MATN1: variants seen among roughly 807,000 people sequenced by gnomAD.
The protein encoded by MATN1 is matrilin-1.
In MATN1, 34 loss-of-function variants were observed where a neutral mutation model predicts 41.3. The observed-to-expected ratio is 0.82, with a 90% CI of 0.63 to 1.10. MATN1 has a LOEUF of 1.10. MATN1 is among the 50% of genes least tolerant of loss of function. The pLI is 0.00. For missense variants in MATN1, 602 were observed against 662.4 expected, an observed-to-expected ratio of 0.91 and a Z score of 1.00; for synonymous variants, 264 against 278.7, an observed-to-expected ratio of 0.95 and a Z score of 0.53.
At chr1:30,720,603 G>A (rs964037711) in intron 2 of MATN1, 1 of 152,888 alleles carries the variant, frequency 6.5e-6, no homozygotes, top group Non-Finnish European at 1.5e-5. Context: ...ATGGAGGAGG[G>A]ATAAGAAAGA....
rs544319948 is a variant in MATN1 at position 30,717,314 on chromosome 1, C to T, written c.665-399G>A. Among the ~76,000 whole-genome samples the T allele has an allele frequency of 3.9e-5, 6 of 152,300 alleles. No homozygotes were observed. In the South Asian group the frequency reaches 1.0e-3, roughly 26 times the overall value. On this transcript the variant is annotated intron_variant, in intron 3 of 7. Transcript: ENST00000373765. The stretch of plus-strand genomic sequence containing the variant: ...TTATCTCACTGGATCCTCTCAATAA[C>T]GTGCATGCTCTTCTTAGACCCATTT...
rs778488955 is a variant in MATN1, at chr1:30,721,733, C to G, written c.113G>C (p.Arg38Pro). ...PQSRGHLCRT[R>P]PTDLVFVVDS... is the part of the protein sequence containing the mutation. ...GACAACAAACACCAGGTCTGTGGGC[C>G]GCGTCCGGCAGAGATGGCCTGGGAG... Residue 38 changes from arginine to proline, a missense_variant, in exon 2 of 8, where the codon CGG (arginine) becomes CCG (proline). Transcript: ENST00000373765. 6.2e-7 allele frequency: 1 copy of G among 1,610,082 alleles called. No homozygotes were observed. Among genetic ancestry groups the G allele is most frequent in the Non-Finnish European group, 8.5e-7 (1 of 1,179,022 alleles).
intron 6 of MATN1, 43 bp from the exon 7 acceptor site, chr1:30,714,370 G>C (rs1489003558): frequency 6.6e-7 from 1 of 1,518,106 alleles, no homozygotes; most frequent in Non-Finnish European, 9.0e-7. Flanking sequence ...GAACTGTTGA[G>C]TGGCTGCCCA....
intron 2 of MATN1, 101 bp from the exon 3 acceptor site, chr1:30,719,058 G>T: frequency 1.1e-6 from 1 of 928,380 alleles, no homozygotes; most frequent in Middle Eastern, 2.3e-4. Context: ...CTGCCGGGTC[G>T]CACAGCCAGG....
intron 1 of MATN1, among the ~76,000 whole-genome samples, chr1:30,722,710 A>G (rs1223123706): frequency 6.6e-6 from 1 of 152,192 alleles, no homozygotes; most frequent in Non-Finnish European, 1.5e-5. Context: ...CCAATCCCAA[A>G]GAGGAAAGGG....
At chr1:30,718,122 G>A (rs1174749604) in intron 3 of MATN1, among the ~76,000 whole-genome samples, 1 of 152,000 alleles carries the variant, frequency 6.6e-6, no homozygotes, top group Non-Finnish European at 1.5e-5. Context: ...CCTAGCCCTG[G>A]CCCCGCCCTG....
rs779476282 is a variant in MATN1 at position 30,716,255 on chromosome 1, C to A, written c.861G>T (p.Arg287Ser). 2.5e-6 allele frequency: 4 copies of A among 1,614,140 alleles called. 1 individual carries two copies. The highest frequency in any genetic ancestry group is 2.2e-5 in the South Asian group (2 of 91,084). Residue 287 changes from arginine to serine, a missense_variant, in exon 5 of 8, where the codon AGG (arginine) becomes AGT (serine). Physicochemically the swap from Arg to Ser is moderately radical, Grantham distance 110. Transcript: ENST00000373765. ...TCTTCACCAGCTCAAAGTTCTCTGG[C>A]CTCACACTCTTGGATCCGTCAATGA... ...VFLIDGSKSV[R>S]PENFELVKKF...
intron 1 of MATN1, 23 bp downstream of exon 1, chr1:30,723,435 C>G: frequency 6.7e-7 from 1 of 1,482,772 alleles, no homozygotes. Flanking sequence ...TCAGTAGCCC[C>G]CATCTCACGC....
chr1:30,716,845 G>A lies in MATN1; in HGVS notation c.735C>T (p.Tyr245=). The A allele has an allele frequency of 6.2e-7, 1 of 1,614,024 alleles. No homozygotes were observed. Among genetic ancestry groups the A allele is most frequent in the Admixed American group, 1.7e-5 (1 of 60,020 alleles). Residue 245 remains tyrosine (Y), a synonymous_variant, in exon 4 of 8, where the codon TAC becomes TAT. Coordinates refer to ENST00000373765, the MANE Select transcript of MATN1 (RefSeq NM_002379.3). ...EQVCISSPGS[Y]TCACHEGFTL... Reference sequence around the variant, plus strand: ...TGAAGCCCTCGTGGCAGGCGCAGGTGTAGGAACCGGGGGAGCTGATGCACA... The same window carrying A: ...TGAAGCCCTCGTGGCAGGCGCAGGTATAGGAACCGGGGGAGCTGATGCACA...
intron 7 of MATN1, 157 bp downstream of exon 7, chr1:30,714,090 C>T: frequency 1.6e-6 from 1 of 644,416 alleles, no homozygotes; most frequent in Non-Finnish European, 2.8e-6. Context: ...GGTGTGCACC[C>T]AAGCTGGCTT....
intron 3 of MATN1, among the ~76,000 whole-genome samples, chr1:30,717,636 T>G (rs1265807684): frequency 6.7e-6 from 1 of 148,980 alleles, no homozygotes; most frequent in African/African-American, 2.5e-5. Flanking sequence ...GTTTTTTGTG[T>G]GTGCGGTTTT....
rs903970409 is a variant in MATN1 at position 30,712,392 on chromosome 1, T to C, written c.*1190A>G. 1.3e-5 allele frequency: 2 copies of C among 152,260 alleles called. No individual in the cohort carries two copies. Among genetic ancestry groups the C allele is most frequent in the African/African-American group, 4.8e-5 (2 of 41,406 alleles). 9.4% of individuals were successfully genotyped at this position (152,260 alleles called of 1,614,324 possible). On this transcript the variant is annotated 3_prime_UTR_variant, in exon 8 of 8. Transcript: ENST00000373765. ...GAGGTGGGGCTGCTGCCATCTGCGT[T>C]GGGGACTTTGGGTTGGGGGTGATGC...
At position 30,716,006 on chromosome 1, in the gene MATN1, A is replaced by G. The variant is rs1639614144; in HGVS notation, c.1110T>C (p.Ser370=). The change falls in exon 5 of 8, where the codon AGT becomes AGC. Residue 370 remains serine (S), a synonymous_variant. Coordinates refer to ENST00000373765, the MANE Select transcript of MATN1 (RefSeq NM_002379.3). ...YLIDNSFTVS[S]GARPGAQKVG... ...CCTTCTGGGCCCCGGGCCTAGCCCC[A>G]CTGGACACAGTGAAGGAATTGTCAA... The G allele has an allele frequency of 1.9e-6, 3 of 1,614,214 alleles. No individual in the cohort carries two copies. Among genetic ancestry groups the G allele is most frequent in the Non-Finnish European group, 2.5e-6 (3 of 1,180,038 alleles).
At position 30,721,996 on chromosome 1, in the gene MATN1, C is replaced by T. The variant is rs941738039; in HGVS notation, c.95-245G>A. 2.0e-5 allele frequency among the ~76,000 whole-genome samples: 3 copies of T among 152,172 alleles called. No individual in the cohort carries two copies. The South Asian group carries it at 6.2e-4, about 32-fold the overall frequency. On this transcript the variant is annotated intron_variant, in intron 1 of 7. Transcript: ENST00000373765. Reference sequence around the variant, plus strand: ...AAGCCTGGCCTTGGGCCATTTGCTTCACTTCTCTGAGCCTCAGTTTCCTCA... The same window carrying T: ...AAGCCTGGCCTTGGGCCATTTGCTTTACTTCTCTGAGCCTCAGTTTCCTCA...
rs1017460037 is a variant in MATN1 at position 30,719,355 on chromosome 1, G to A, written c.442-398C>T. ...AGGCCCGGCCGGGGCTGGGTGGGGG[G>A]ATCCGGTGGTTCCACATGGTGCAGT... On this transcript the variant is annotated intron_variant, in intron 2 of 7. Coordinates refer to ENST00000373765, the MANE Select transcript of MATN1 (RefSeq NM_002379.3). The A allele has an allele frequency of 9.5e-5, 20 of 210,876 alleles. No individual in the cohort carries two copies. In the Admixed American group the frequency reaches 1.0e-3, roughly 11 times the overall value. 13.1% of individuals were successfully genotyped at this position (210,876 alleles called of 1,614,324 possible). A position where few individuals can be genotyped will look rare whatever the true frequency, so the allele number is the denominator to read the frequency against.
intron 3 of MATN1, 135 bp downstream of exon 3, chr1:30,718,600 G>GCCCCCCCCC: frequency 9.3e-5 from 1 of 10,732 alleles, no homozygotes; most frequent in Non-Finnish European, 1.9e-4. Context: ...CCCCCCCCCC[G>GCCCCCCCCC]GCCCCGCCCC....
intron 3 of MATN1, among the ~76,000 whole-genome samples, chr1:30,718,198 G>A (rs889254980): frequency 1.3e-5 from 2 of 149,902 alleles, no homozygotes; most frequent in African/African-American, 4.9e-5. Flanking sequence ...CCCGCCCTCT[G>A]ATGTGGCCCC....
At chr1:30,714,143 C>T (rs1421250590) in intron 7 of MATN1, 104 bp downstream of exon 7, 3 of 925,274 alleles carry the variant, frequency 3.2e-6, no homozygotes, top group Admixed American at 4.2e-5. Flanking sequence ...AGTAAGCAGG[C>T]CAAGAGAAGC....
intron 3 of MATN1, among the ~76,000 whole-genome samples, chr1:30,717,579 C>T (rs755910457): frequency 4.7e-4 from 71 of 152,058 alleles, no homozygotes; most frequent in African/African-American, 1.6e-3. Flanking sequence ...GAGCTCTGGG[C>T]CCTCCTTGGT....
Sources: allele counts gnomAD v4.1 joint callset (sites outside exome capture counted in the v4.1 genomes callset), GRCh38; gene constraint gnomAD v4.1.1; transcripts MANE v1.5; gene names NCBI Gene and HGNC (gene_info 2026-07-23, HGNC 2026-07-21).